The following CEP192 variants were observed in gnomAD, a reference collection of about 807,000 sequenced individuals.
CEP192 encodes the protein centrosomal protein 192, also known as centrosomal protein of 192 kDa.
Under a neutral mutation model 271.8 loss-of-function variants are expected in CEP192, and 151 were observed. The observed-to-expected ratio is 0.56, with a 90% confidence interval of 0.49 to 0.64. CEP192 has a LOEUF of 0.64. CEP192 is among the 30% of genes least tolerant of loss of function. CEP192 has a pLI of 0.00. For synonymous variants in CEP192, 995 were observed against 1,076.5 expected (o/e 0.92, Z 1.48); for missense variants, 2,910 against 3,020.5 (o/e 0.96, Z 0.86).
chr18:13,000,346 G>A (rs1399861114), intron 2 of CEP192: 1 of 152,004 alleles, frequency 6.6e-6, no homozygotes, highest in Non-Finnish European at 1.5e-5. Flanking sequence ...AGACATCTAT[G>A]AATTACATTT....
In CEP192 at chr18:13,087,045, G is replaced by T. The variant is rs1455602426; in HGVS notation, c.5645G>T (p.Ser1882Ile). The change falls in exon 31 of 45, where the codon AGC becomes ATC. Residue 1882 changes from serine (S) to isoleucine (I), a missense_variant. By Grantham distance (142) the Ser-to-Ile change is moderately radical (BLOSUM62 -2). Coordinates refer to ENST00000506447, the MANE Select transcript of CEP192 (RefSeq NM_032142.4). ...CCTTTGTCTGGATATGGAGGAACAA[G>T]CAATCTTATTTTGGAAGGCGTTAAA... is the stretch of plus-strand genomic sequence containing the variant. ...TIPLSGYGGT[S>I]NLILEGVKKL... 4 of 1,612,202 alleles carry T rather than the reference G, an allele frequency of 2.5e-6. No homozygotes were observed. Among genetic ancestry groups the T allele is most frequent in the Non-Finnish European group, 3.4e-6 (4 of 1,178,366 alleles).
chr18:13,049,146 TA>T lies in CEP192; in HGVS notation c.2362del (p.Thr788GlnfsTer40). ...ATGCACTTGATATGGAGAAATACCT[TA>T]AAAAAACAGAAGTTAGTAGATATGA... ...SNALDMEKYL[K>X]KTEVSRYESA... is the part of the protein sequence containing the mutation. On this transcript the variant is annotated frameshift_variant, in exon 16 of 45. Transcript: ENST00000506447. LOFTEE classifies it high-confidence loss of function. 2 of 1,613,590 alleles carry T rather than the reference TA, an allele frequency of 1.2e-6. No homozygotes were observed. The highest frequency in any genetic ancestry group is 2.2e-5 in the East Asian group (1 of 44,886).
In CEP192 at chr18:13,049,528, C is replaced by T; in HGVS notation, c.2737C>T (p.Pro913Ser). ...PSDSYSSVRN[P>S]RITSLCLLKD... ...TGATAGTTATTCATCAGTGAGGAACCCCAGAATAACATCCCTTTGTCTGTT... is the reference window on the plus strand; with the variant it reads ...TGATAGTTATTCATCAGTGAGGAACTCCAGAATAACATCCCTTTGTCTGTT... Residue 913 changes from proline to serine, a missense_variant, in exon 16 of 45, where the codon CCC (proline) becomes TCC (serine). Physicochemically the swap from Pro to Ser is moderately conservative, Grantham distance 74 (BLOSUM62 -1). Coordinates refer to ENST00000506447, the MANE Select transcript of CEP192 (RefSeq NM_032142.4). The T allele has an allele frequency of 6.2e-7, 1 of 1,613,804 alleles. No homozygotes were observed. The highest frequency in any genetic ancestry group is 8.5e-7 in the Non-Finnish European group (1 of 1,179,968).
In CEP192 at chr18:13,073,097, T is replaced by C; in HGVS notation, c.5528T>C (p.Leu1843Ser). The change falls in exon 30 of 45, where the codon TTA (leucine) becomes TCA (serine). Residue 1843 changes from leucine to serine, a missense_variant. By Grantham distance (145) the Leu-to-Ser change is moderately radical. Coordinates refer to ENST00000506447, the MANE Select transcript of CEP192 (RefSeq NM_032142.4). ...AAGGAAGACATTTTCATCTCTGTAT[T>C]ATTTGCACCTACTCGATTATCTTGC... Reference protein sequence around the residue: ...HPKEDIFISVLFAPTRLSCML... With the variant: ...HPKEDIFISVSFAPTRLSCML... 1 of 1,613,826 alleles carries C rather than the reference T, an allele frequency of 6.2e-7. No individual in the cohort carries two copies. The highest frequency in any genetic ancestry group is 8.5e-7 in the Non-Finnish European group (1 of 1,179,866).
chr18:13,000,508 TA>T (rs2033573721), intron 2 of CEP192: 2 of 152,270 alleles, frequency 1.3e-5, no homozygotes, highest in African/African-American at 4.8e-5. Context: ...CCTCACTTTT[TA>T]ATTCATTTCA....
intron 27 of CEP192, 69 bp downstream of exon 27, chr18:13,069,925 C>T: frequency 1.1e-6 from 1 of 908,372 alleles, no homozygotes; most frequent in Non-Finnish European, 1.8e-6. Flanking sequence ...CTTTGGGAGG[C>T]CGAGGTGGGT....
intron 15 of CEP192, among the ~76,000 whole-genome samples, chr18:13,046,178 G>T (rs28654613): frequency 6.6e-6 from 1 of 152,072 alleles, no homozygotes; most frequent in Non-Finnish European, 1.5e-5. Flanking sequence ...GCGGGAGCAG[G>T]CATGTCACAT....
intron 3 of CEP192, among the ~76,000 whole-genome samples, chr18:13,006,285 A>G (rs76683019): frequency 0.036 from 5,433 of 150,840 alleles, 308 homozygotes; most frequent in African/African-American, 0.12. Flanking sequence ...TTTTTTTTTA[A>G]TGGGCCCTTT....
chr18:13,059,135 ACCT>A lies in CEP192; in HGVS notation c.4313_4315del (p.Pro1438del), dbSNP rs768116952. The stretch of plus-strand genomic sequence containing the variant: ...TTTTCAAGAATAAAGCCATCATAAG[ACCT>A]CATGCCACAGAAGAGATAAAAGTGC... On this transcript the variant is annotated inframe_deletion, in exon 21 of 45. Transcript: ENST00000506447. The A allele has an allele frequency of 1.2e-6, 2 of 1,614,108 alleles. No individual in the cohort carries two copies. The highest frequency in any genetic ancestry group is 1.7e-6 in the Non-Finnish European group (2 of 1,179,990).
intron 11 of CEP192, among the ~76,000 whole-genome samples, chr18:13,034,947 G>A (rs1177799924): frequency 6.6e-6 from 1 of 152,110 alleles, no homozygotes; most frequent in South Asian, 2.1e-4. Context: ...GTTCGACAGT[G>A]GGGGAAACAC....
chr18:13,066,386 A>G (rs1171052107), intron 21 of CEP192, among the ~76,000 whole-genome samples: 2 of 152,206 alleles, frequency 1.3e-5, no homozygotes, highest in South Asian at 4.1e-4. Flanking sequence ...CGCTTCTACT[A>G]GTTACTTTTG....
chr18:12,992,311 A>G (rs1439335649), intron 1 of CEP192, among the ~76,000 whole-genome samples: 1 of 152,232 alleles, frequency 6.6e-6, no homozygotes, highest in Non-Finnish European at 1.5e-5. Flanking sequence ...AGTATATCTT[A>G]AAGTGCCAAG....
At position 13,124,905 on chromosome 18, in the gene CEP192, G is replaced by A. The variant is rs140685256; in HGVS notation, c.*135G>A. ...ATAATTGTAGATTTTGTTTTTACAA[G>A]CTAATACTGAAGACTCGACTGAAAT... On this transcript the variant is annotated 3_prime_UTR_variant, in exon 45 of 45. Transcript: ENST00000506447. The A allele has an allele frequency of 5.9e-5, 43 of 726,098 alleles. No homozygotes were observed. In the African/African-American group the frequency reaches 7.4e-4, roughly 13 times the overall value. 45.0% of individuals were successfully genotyped at this position (726,098 alleles called of 1,614,324 possible).
chr18:13,079,968 G>A (rs563094015), intron 30 of CEP192, among the ~76,000 whole-genome samples: 5 of 152,200 alleles, frequency 3.3e-5, no homozygotes, highest in African/African-American at 7.2e-5. Context: ...TTATTTCTGA[G>A]GCCTCTGTTC....
intron 40 of CEP192, among the ~76,000 whole-genome samples, chr18:13,107,170 G>A (rs2039994820): frequency 6.6e-6 from 1 of 152,142 alleles, no homozygotes. Flanking sequence ...TTTTGCCAAA[G>A]GTCATACAAT....
chr18:13,043,504 A>T (rs774269361), intron 15 of CEP192, among the ~76,000 whole-genome samples: 1 of 152,152 alleles, frequency 6.6e-6, no homozygotes, highest in Non-Finnish European at 1.5e-5. Flanking sequence ...ACACTTGAAT[A>T]TTGTAACTTT....
intron 4 of CEP192, among the ~76,000 whole-genome samples, chr18:13,010,946 G>C (rs2034312549): frequency 6.6e-6 from 1 of 151,954 alleles, no homozygotes; most frequent in Non-Finnish European, 1.5e-5. Flanking sequence ...CCACAATGAG[G>C]CTGGGCACAA....
chr18:13,034,150 C>A (rs144151304), intron 11 of CEP192, among the ~76,000 whole-genome samples: 50 of 151,962 alleles, frequency 3.3e-4, no homozygotes, highest in African/African-American at 6.8e-4. Flanking sequence ...AAAATGATAA[C>A]GGAAAGATTG....
At chr18:13,020,015 T>A (rs1465100128) in intron 9 of CEP192, among the ~76,000 whole-genome samples, 1 of 152,094 alleles carries the variant, frequency 6.6e-6, no homozygotes, top group Non-Finnish European at 1.5e-5. Context: ...TTCACCATGT[T>A]TGTCAGGCAG....
Sources: allele counts gnomAD v4.1 joint callset (sites outside exome capture counted in the v4.1 genomes callset), GRCh38; gene constraint gnomAD v4.1.1; transcripts MANE v1.5; gene names NCBI Gene and HGNC (gene_info 2026-07-23, HGNC 2026-07-21).